The following TRIO variants were observed in gnomAD, a reference collection of about 807,000 sequenced individuals.
TRIO encodes the protein triple functional domain protein.
TRIO carries 58 observed loss-of-function variants against 351.9 expected under a neutral mutation model. That is an observed-to-expected ratio of 0.16 (90% CI 0.13 to 0.21). TRIO has a LOEUF of 0.21. TRIO is among the 10% of genes least tolerant of loss of function. The probability of loss-of-function intolerance (pLI) is 1.00; values close to 1 mark genes in which losing one functional copy is unlikely to be tolerated. For synonymous variants in TRIO, 1,758 were observed against 1,595.7 expected (o/e 1.10, Z -2.42); for missense variants, 3,201 against 4,027.8 (o/e 0.79, Z 5.56).
chr5:14,364,625 T>C lies in TRIO; in HGVS notation c.2588-25T>C. On this transcript the variant is annotated intron_variant, in intron 14 of 56. Transcript: ENST00000344204. ...GAAGGTTGAAGTGCTAGCTGAATTC[T>C]AGGGTCTCCCTTTAATGTCCACAGG... The C allele has an allele frequency of 2.5e-6, 4 of 1,592,094 alleles. No homozygotes were observed. In the Admixed American group the frequency reaches 7.1e-5, roughly 28 times the overall value.
chr5:14,202,293 G>GTTTTTTTTTTTTTTTTTTTTTTTTTT (rs1561196197), intron 1 of TRIO, among the ~76,000 whole-genome samples: 1 of 34,348 alleles, frequency 2.9e-5, no homozygotes, highest in African/African-American at 1.0e-4. Context: ...ATATTTTTGT[G>GTTTTTTTTTTTTTTTTTTTTTTTTTT]ATTTTTTTTT....
intron 37 of TRIO, among the ~76,000 whole-genome samples, chr5:14,467,903 C>T (rs1245917357): frequency 1.3e-5 from 2 of 152,190 alleles, no homozygotes; most frequent in Non-Finnish European, 2.9e-5. Flanking sequence ...GTTGATAAAA[C>T]TGTCTAAATG....
chr5:14,360,461 G>A (rs1018876330), intron 13 of TRIO, among the ~76,000 whole-genome samples: 7 of 152,212 alleles, frequency 4.6e-5, no homozygotes, highest in African/African-American at 1.4e-4. Context: ...GTGACAGCCC[G>A]AAGGCCTCCT....
intron 55 of TRIO, among the ~76,000 whole-genome samples, chr5:14,505,888 G>C (rs889656064): frequency 6.2e-4 from 94 of 152,320 alleles, no homozygotes; most frequent in African/African-American, 2.1e-3. Context: ...CAGTGAGGCT[G>C]AGCAGTGTGT....
At chr5:14,405,069 ACCT>A (rs1748583193) in intron 31 of TRIO, among the ~76,000 whole-genome samples, 1 of 151,148 alleles carries the variant, frequency 6.6e-6, no homozygotes, top group South Asian at 2.1e-4. Context: ...GAAAAAAAAA[ACCT>A]CCTTTGAGGC....
chr5:14,282,703 C>T (rs1230220581), intron 3 of TRIO, among the ~76,000 whole-genome samples: 1 of 152,152 alleles, frequency 6.6e-6, no homozygotes, highest in Non-Finnish European at 1.5e-5. Context: ...TCTAATTATT[C>T]ACCTGGTGTA....
chr5:14,165,350 C>T (rs576862765), intron 1 of TRIO, among the ~76,000 whole-genome samples: 4 of 152,090 alleles, frequency 2.6e-5, no homozygotes, highest in Non-Finnish European at 5.9e-5. Context: ...CACTTATAAG[C>T]GAGAACATGC....
chr5:14,396,949 G>C, intron 28 of TRIO, 94 bp from the exon 29 acceptor site: 1 of 1,060,298 alleles, frequency 9.4e-7, no homozygotes, highest in Non-Finnish European at 1.4e-6. Context: ...TTTTTATCTT[G>C]AAAGCCATGG....
intron 9 of TRIO, among the ~76,000 whole-genome samples, chr5:14,329,581 C>T (rs548736246): frequency 2.5e-4 from 38 of 152,310 alleles, no homozygotes; most frequent in African/African-American, 8.7e-4. Flanking sequence ...ATTACTCAGT[C>T]TAAGGTGTTT....
At chr5:14,293,417 C>T (rs1056532397) in intron 6 of TRIO, among the ~76,000 whole-genome samples, 3 of 152,246 alleles carry the variant, frequency 2.0e-5, no homozygotes, top group Non-Finnish European at 4.4e-5. Flanking sequence ...GGCTCCTGTG[C>T]TGCACTTCAT....
intron 10 of TRIO, among the ~76,000 whole-genome samples, chr5:14,335,523 G>T (rs759573924): frequency 3.3e-5 from 5 of 152,150 alleles, no homozygotes; most frequent in Non-Finnish European, 7.3e-5. Context: ...CAGGGCTCTC[G>T]CATGCCTTCC....
intron 1 of TRIO, among the ~76,000 whole-genome samples, chr5:14,197,986 TA>T (rs1387033104): frequency 6.6e-6 from 1 of 152,194 alleles, no homozygotes; most frequent in African/African-American, 2.4e-5. Context: ...CTATTCACTA[TA>T]AAAATATCCT....
chr5:14,313,760 A>T (rs1160201498), intron 8 of TRIO, among the ~76,000 whole-genome samples: 2 of 152,166 alleles, frequency 1.3e-5, no homozygotes, highest in Admixed American at 1.3e-4. Context: ...TATCTCATTC[A>T]AGTTCTTGGC....
At chr5:14,150,966 A>G (rs1787792592) in intron 1 of TRIO, among the ~76,000 whole-genome samples, 1 of 152,214 alleles carries the variant, frequency 6.6e-6, no homozygotes, top group Admixed American at 6.5e-5. Flanking sequence ...ATCTTTAGCT[A>G]TAGACAGTTA....
At chr5:14,431,240 A>G (rs191298712) in intron 34 of TRIO, among the ~76,000 whole-genome samples, 122 of 152,276 alleles carry the variant, frequency 8.0e-4, no homozygotes, top group Non-Finnish European at 5.3e-4. Context: ...AGACGTGTTC[A>G]GGGTCTGCCC....
At chr5:14,413,255 G>T (rs571986812) in intron 33 of TRIO, among the ~76,000 whole-genome samples, 1 of 152,346 alleles carries the variant, frequency 6.6e-6, no homozygotes, top group East Asian at 1.9e-4. Flanking sequence ...GAATTGTGGT[G>T]GCTCAACTGC....
chr5:14,394,976 C>T (rs1747434685), intron 28 of TRIO, among the ~76,000 whole-genome samples: 1 of 152,174 alleles, frequency 6.6e-6, no homozygotes, highest in Non-Finnish European at 1.5e-5. Flanking sequence ...AATGTAGAAA[C>T]ATGCATTCAT....
chr5:14,152,182 T>C (rs1220940283), intron 1 of TRIO, among the ~76,000 whole-genome samples: 1 of 152,238 alleles, frequency 6.6e-6, no homozygotes, highest in Non-Finnish European at 1.5e-5. Flanking sequence ...ATTTCTCATT[T>C]GTAGGTGGCT....
At chr5:14,153,529 T>C (rs1787947463) in intron 1 of TRIO, among the ~76,000 whole-genome samples, 1 of 152,192 alleles carries the variant, frequency 6.6e-6, no homozygotes, top group African/African-American at 2.4e-5. Context: ...GGTTTTACCA[T>C]CCAAGGGCCT....
Sources: allele counts gnomAD v4.1 joint callset (sites outside exome capture counted in the v4.1 genomes callset), GRCh38; gene constraint gnomAD v4.1.1; transcripts MANE v1.5; gene names NCBI Gene and HGNC (gene_info 2026-07-23, HGNC 2026-07-21).